Variants in APBA2 observed in about 807,000 individuals in gnomAD.
The protein encoded by APBA2 is amyloid beta precursor protein binding family A member 2, also known as amyloid-beta A4 precursor protein-binding family A member 2.
Under a neutral mutation model 75.0 loss-of-function variants are expected in APBA2, and 30 were observed. The observed-to-expected ratio is 0.40, with a 90% CI of 0.30 to 0.54. The LOEUF is 0.54. APBA2 is among the 20% of genes least tolerant of loss of function. The pLI, the probability that APBA2 is intolerant of heterozygous loss-of-function variation, is 0.49. For missense variants in APBA2, 801 were observed against 1,016.1 expected, an observed-to-expected ratio of 0.79 and a Z score of 2.88; for synonymous variants, 444 against 409.6, an observed-to-expected ratio of 1.08 and a Z score of -1.01.
rs558575430 is a variant in APBA2 at position 29,061,927 on chromosome 15, C to T, written c.951+7092C>T. Among the ~76,000 whole-genome samples, 408 of 152,282 alleles carry T rather than the reference C, an allele frequency of 2.7e-3. 2 individuals are homozygous for T. The highest frequency in any genetic ancestry group is 3.1e-3 in the Non-Finnish European group (214 of 68,018). ...CACCCAGGCGCCCCCCCTCCATCAG[C>T]GTGTGGTGGGGCAGCAGGTGTGCAG... On this transcript the variant is annotated intron_variant, in intron 4 of 14. Coordinates refer to ENST00000683413, the MANE Select transcript of APBA2 (RefSeq NM_001353788.2).
chr15:28,950,582 A>C (rs2035807514), intron 2 of APBA2, among the ~76,000 whole-genome samples: 1 of 151,368 alleles, frequency 6.6e-6, no homozygotes, highest in African/African-American at 2.4e-5. Context: ...AGCTGAGATC[A>C]CGCCACTGCA....
At chr15:28,913,719 C>T (rs537918209) in intron 1 of APBA2, among the ~76,000 whole-genome samples, 43 of 152,266 alleles carry the variant, frequency 2.8e-4, no homozygotes, top group African/African-American at 9.6e-4. Flanking sequence ...TGGGTCTCAC[C>T]GTCTTTAGAA....
At position 28,986,919 on chromosome 15, in the gene APBA2, G is replaced by A. The variant is rs8036640; in HGVS notation, c.-94-8834G>A. ...GATGTGGGAAGTCTAAGATCAAGGC[G>A]CCAACAGATTTGCTGTCTGGTGAGG... On this transcript the variant is annotated intron_variant, in intron 2 of 14. Transcript: ENST00000683413. Among the ~76,000 whole-genome samples the A allele has an allele frequency of 9.0e-3, 1,366 of 152,278 alleles. 20 individuals carry two copies. The highest frequency in any genetic ancestry group is 0.031 in the African/African-American group (1,276 of 41,560).
At chr15:29,116,942 C>T (rs932320293) in intron 14 of APBA2, 120 bp from the exon 15 acceptor site, 3 of 1,110,754 alleles carry the variant, frequency 2.7e-6, no homozygotes, top group Non-Finnish European at 2.8e-6. Context: ...TCCTCCTTCA[C>T]TCTAGGAGAT....
chr15:28,989,334 C>T (rs949454979), intron 2 of APBA2, among the ~76,000 whole-genome samples: 1 of 152,206 alleles, frequency 6.6e-6, no homozygotes, highest in African/African-American at 2.4e-5. Context: ...GTGTCCTCAT[C>T]TGCAAAATGG....
intron 3 of APBA2, among the ~76,000 whole-genome samples, chr15:29,021,132 TAATAGGAG>T (rs2039934158): frequency 6.6e-6 from 1 of 152,000 alleles, no homozygotes; most frequent in Non-Finnish European, 1.5e-5. Context: ...GATGTTAAGG[TAATAGGAG>T]AATAGGAGAG....
chr15:29,035,664 C>T (rs949824003), intron 3 of APBA2, among the ~76,000 whole-genome samples: 2 of 152,128 alleles, frequency 1.3e-5, no homozygotes, highest in African/African-American at 2.4e-5. Context: ...GACAAGAAAT[C>T]GATGTGGTGT....
chr15:28,966,122 GTCTA>G (rs2036724464), intron 2 of APBA2, among the ~76,000 whole-genome samples: 1 of 152,158 alleles, frequency 6.6e-6, no homozygotes, highest in African/African-American at 2.4e-5. Flanking sequence ...CCAGGATATG[GTCTA>G]TCTGAGTGTA....
intron 2 of APBA2, among the ~76,000 whole-genome samples, chr15:28,976,464 A>G (rs4396503): frequency 0.3 from 45,710 of 152,086 alleles, 11,267 homozygotes; most frequent in African/African-American, 0.66. Flanking sequence ...TTTGCTGTGG[A>G]CTTGTGGTAG....
intron 3 of APBA2, among the ~76,000 whole-genome samples, chr15:29,035,006 C>T (rs544606403): frequency 6.6e-6 from 1 of 152,348 alleles, no homozygotes. Context: ...CCCACAGGCT[C>T]CCGGGGAGGT....
intron 1 of APBA2, among the ~76,000 whole-genome samples, chr15:28,906,167 G>A (rs900525341): frequency 9.2e-5 from 14 of 152,164 alleles, no homozygotes; most frequent in South Asian, 4.2e-4. Context: ...TCCCTTGTCC[G>A]TTGTGCATAG....
intron 3 of APBA2, chr15:29,044,542 C>G (rs1225494549): frequency 6.6e-6 from 1 of 152,076 alleles, no homozygotes; most frequent in Admixed American, 6.6e-5. Flanking sequence ...TGCATACATG[C>G]TCTGCAATGC....
chr15:28,983,439 C>G (rs745736511), intron 2 of APBA2, among the ~76,000 whole-genome samples: 40 of 152,246 alleles, frequency 2.6e-4, no homozygotes, highest in Non-Finnish European at 1.8e-4. Context: ...TGGGCCCATG[C>G]GTGACAATTC....
chr15:29,079,621 G>T (rs2042999629), intron 6 of APBA2, among the ~76,000 whole-genome samples: 1 of 152,100 alleles, frequency 6.6e-6, no homozygotes, highest in Admixed American at 6.6e-5. Context: ...CCATCCCACT[G>T]CGGGCCCTTC....
chr15:29,099,234 A>T (rs1335076144), intron 9 of APBA2, among the ~76,000 whole-genome samples: 1 of 152,176 alleles, frequency 6.6e-6, no homozygotes, highest in Non-Finnish European at 1.5e-5. Context: ...CCCATGCCTC[A>T]TCACCCACCT....
At chr15:29,038,927 C>T (rs796588756) in intron 3 of APBA2, among the ~76,000 whole-genome samples, 3 of 152,170 alleles carry the variant, frequency 2.0e-5, no homozygotes, top group African/African-American at 7.2e-5. Flanking sequence ...CCGCCTTGGC[C>T]TCCCAAAGTG....
chr15:29,083,061 CA>C (rs546264336), intron 6 of APBA2, among the ~76,000 whole-genome samples: 57 of 142,310 alleles, frequency 4.0e-4, no homozygotes, highest in East Asian at 8.0e-4. Context: ...GACACCGTCT[CA>C]AAAAAAAAAA....
intron 2 of APBA2, among the ~76,000 whole-genome samples, chr15:28,978,834 C>G (rs892333933): frequency 2.0e-5 from 3 of 152,184 alleles, no homozygotes; most frequent in Admixed American, 6.5e-5. Context: ...TCTGCTCACA[C>G]CAGGAGTTGG....
intron 3 of APBA2, among the ~76,000 whole-genome samples, chr15:29,038,324 G>C (rs1184331711): frequency 2.0e-5 from 3 of 152,148 alleles, no homozygotes; most frequent in African/African-American, 7.2e-5. Flanking sequence ...ATCTTCCGAG[G>C]GCTACTTGGG....
Sources: allele counts gnomAD v4.1 joint callset (sites outside exome capture counted in the v4.1 genomes callset), GRCh38; gene constraint gnomAD v4.1.1; transcripts MANE v1.5; gene names NCBI Gene and HGNC (gene_info 2026-07-23, HGNC 2026-07-21).